The following HIPK3 variants were observed in gnomAD, a reference collection of about 807,000 sequenced individuals.
HIPK3 encodes the protein homeodomain interacting protein kinase 3, also known as homeodomain-interacting protein kinase 3.
In HIPK3, 47 loss-of-function variants were observed where a neutral mutation model predicts 124.2. The ratio of observed to expected loss-of-function variants is 0.38; its 90% CI spans 0.30 to 0.48. HIPK3 has a LOEUF of 0.48. Among genes scored for constraint, HIPK3 ranks in the 20% least tolerant of loss-of-function variants. The pLI is 0.98. For synonymous variants in HIPK3, 482 were observed against 515.2 expected (o/e 0.94, Z 0.87); for missense variants, 1,286 against 1,454.3 (o/e 0.88, Z 1.88).
Position 33,353,677 on chromosome 11 carries a change from C to A in HIPK3, c.*109C>A. The A allele has an allele frequency of 1.3e-6, 1 of 776,200 alleles. No homozygotes were observed. Among genetic ancestry groups the A allele is most frequent in the Non-Finnish European group, 2.1e-6 (1 of 486,716 alleles). The allele number at this position is 776,200 out of a possible 1,614,324, so 48.1% of individuals were successfully genotyped here. ...GAAAATTATTTTTGAATCATGTAGA[C>A]TTGGGTGCAATTTAAACAACTTTGA... On this transcript the variant is annotated 3_prime_UTR_variant, in exon 17 of 17. Transcript: ENST00000303296.
At chr11:33,261,135 AAATATAAAATATATTATAT>A (rs1450114604) in intron 1 of HIPK3, among the ~76,000 whole-genome samples, 3 of 78,984 alleles carry the variant, frequency 3.8e-5, no homozygotes, top group Non-Finnish European at 9.3e-5. Context: ...ATTATATATA[AAATATAAAATATATTATAT>A]AAATATATAT....
intron 2 of HIPK3, among the ~76,000 whole-genome samples, chr11:33,297,996 C>A (rs1174837554): frequency 6.6e-6 from 1 of 151,918 alleles, no homozygotes; most frequent in African/African-American, 2.4e-5. Context: ...ACCATGTTGG[C>A]CAGGCTGGTC....
At chr11:33,351,449 A>C (rs1234915859) in intron 14 of HIPK3, among the ~76,000 whole-genome samples, 159 bp from the exon 15 acceptor site, 1 of 152,192 alleles carries the variant, frequency 6.6e-6, no homozygotes, top group Non-Finnish European at 1.5e-5. Context: ...GGGTCTAGAA[A>C]TTTTATGAAA....
At chr11:33,266,504 C>T (rs532546716) in intron 1 of HIPK3, among the ~76,000 whole-genome samples, 1 of 152,212 alleles carries the variant, frequency 6.6e-6, no homozygotes, top group Admixed American at 6.5e-5. Context: ...CTGAGACCAG[C>T]TTGTGCAACA....
chr11:33,306,820 G>A (rs183566890), intron 2 of HIPK3, among the ~76,000 whole-genome samples: 2 of 152,312 alleles, frequency 1.3e-5, no homozygotes, highest in Non-Finnish European at 2.9e-5. Flanking sequence ...TATGATGATA[G>A]GGAGTCTCCC....
chr11:33,335,152 A>G (rs1853103108), intron 3 of HIPK3, among the ~76,000 whole-genome samples: 1 of 152,098 alleles, frequency 6.6e-6, no homozygotes, highest in South Asian at 2.1e-4. Context: ...TCAGTTTAGG[A>G]TATATTCAGT....
chr11:33,353,322 C>T lies in HIPK3; in HGVS notation c.3402C>T (p.Ala1134=). 6.2e-7 allele frequency: 1 copy of T among 1,614,100 alleles called. No individual in the cohort carries two copies. Among genetic ancestry groups the T allele is most frequent in the South Asian group, 1.1e-5 (1 of 91,082 alleles). The part of the protein sequence containing the change: ...SATLSSAAPV[A]HLLASPCTSR... ...CCCTCAGTAGTGCTGCACCAGTGGC[C>T]CACCTGTTAGCCTCTCCGTGTACCT... is the stretch of plus-strand genomic sequence containing the variant. Residue 1134 remains alanine (A), a synonymous_variant, in exon 17 of 17, where the codon GCC becomes GCT. Transcript: ENST00000303296.
In HIPK3 at chr11:33,293,026, C is replaced by T. The variant is rs112952973; in HGVS notation, c.1097+5515C>T. Among the ~76,000 whole-genome samples, 545 of 152,204 alleles carry T rather than the reference C, an allele frequency of 3.6e-3. 6 individuals are homozygous for T. The highest frequency in any genetic ancestry group is 0.012 in the African/African-American group (506 of 41,510). On this transcript the variant is annotated intron_variant, in intron 2 of 16. Coordinates refer to ENST00000303296, the MANE Select transcript of HIPK3 (RefSeq NM_005734.5). ...TGCTGGGATTACAGGCGTGAGCCAC[C>T]GCTCCCGGCCAAATGAAATGGTTTT...
chr11:33,258,273 G>C, intron 1 of HIPK3: 2 of 982,862 alleles, frequency 2.0e-6, no homozygotes, highest in Non-Finnish European at 1.2e-6. Flanking sequence ...TTAGTCCCAC[G>C]GGGAGCCTCT....
At position 33,313,530 on chromosome 11, in the gene HIPK3, G is replaced by A. The variant is rs139224173; in HGVS notation, c.1098-14980G>A. Among the ~76,000 whole-genome samples the A allele has an allele frequency of 2.0e-5, 3 of 152,134 alleles. No individual in the cohort carries two copies. The South Asian group carries it at 6.2e-4, about 32-fold the overall frequency. ...TATTTGTGTGTGTATATAAAAGAAAGAGAGTTAAGGCAAATGGAGTAAAGT... is the reference window on the plus strand; with the variant it reads ...TATTTGTGTGTGTATATAAAAGAAAAAGAGTTAAGGCAAATGGAGTAAAGT... On this transcript the variant is annotated intron_variant, in intron 2 of 16. Coordinates refer to ENST00000303296, the MANE Select transcript of HIPK3 (RefSeq NM_005734.5).
rs754359744 is a variant in HIPK3 at position 33,286,847 on chromosome 11, G to A, written c.433G>A (p.Asp145Asn). The A allele has an allele frequency of 1.4e-5, 22 of 1,614,034 alleles. No individual in the cohort carries two copies. In the South Asian group the frequency reaches 1.4e-4, roughly 10 times the overall value. Residue 145 changes from aspartate (D) to asparagine (N), a missense_variant, in exon 2 of 17, where the codon GAT becomes AAT. By Grantham distance (23) the Asp-to-Asn change is conservative (BLOSUM62 1). This residue lies in a region of HIPK3 where 225 missense variants were observed against 240.3 expected (regional missense o/e 0.94). Transcript: ENST00000303296. ...TCATAGCAGCGCAATGCAGATTGTC[G>A]ATGAATTGTCCATACTTCCTGCAAT... ...DNHSSAMQIVDELSILPAMLQ... is the reference protein window; with the variant it reads ...DNHSSAMQIVNELSILPAMLQ...
At chr11:33,337,028 T>C (rs1381603148) in intron 3 of HIPK3, 47 bp from the exon 4 acceptor site, 1 of 1,419,658 alleles carries the variant, frequency 7.0e-7, no homozygotes. Flanking sequence ...TTAAGTGTTC[T>C]GTCACATGAA....
Position 33,356,540 on chromosome 11 carries a change from T to G in HIPK3, c.*2972T>G, listed in dbSNP as rs2134010962. The G allele has an allele frequency of 6.6e-6, 1 of 152,164 alleles. No homozygotes were observed. The highest frequency in any genetic ancestry group is 2.4e-5 in the African/African-American group (1 of 41,570). The allele number at this position is 152,164 out of a possible 1,614,324, so 9.4% of individuals were successfully genotyped here. On this transcript the variant is annotated 3_prime_UTR_variant, in exon 17 of 17. Transcript: ENST00000303296. ...TTTTCCTCCAGCGTGTTTAATTAAA[T>G]ATGTTACTGTATTAGCAAAACATTT...
chr11:33,258,757 T>G (rs1389906912), intron 1 of HIPK3: 5 of 956,948 alleles, frequency 5.2e-6, no homozygotes, highest in East Asian at 1.2e-4. Flanking sequence ...CGCTGAAGAG[T>G]GTGTGCGTAA....
intron 3 of HIPK3, among the ~76,000 whole-genome samples, chr11:33,329,518 AAG>A (rs1172643238): frequency 6.6e-6 from 1 of 152,184 alleles, no homozygotes; most frequent in Non-Finnish European, 1.5e-5. Flanking sequence ...CAAGAGGAAA[AAG>A]AGAGGTAATT....
chr11:33,350,511 TAAA>T (rs530470962), intron 14 of HIPK3, among the ~76,000 whole-genome samples: 2 of 132,268 alleles, frequency 1.5e-5, no homozygotes, highest in Admixed American at 7.6e-5. Context: ...TACCAAAAAT[TAAA>T]AAAAAAAAAA....
Position 33,257,448 on chromosome 11 carries a change from G to A in HIPK3, c.-444G>A, listed in dbSNP as rs1224026854. 1.0e-6 allele frequency: 1 copy of A among 985,674 alleles called. No individual in the cohort carries two copies. The allele number at this position is 985,674 out of a possible 1,614,324, so 61.1% of individuals were successfully genotyped here. A position where few individuals can be genotyped will look rare whatever the true frequency, so the allele number is the denominator to read the frequency against. On this transcript the variant is annotated 5_prime_UTR_variant, in exon 1 of 17. Transcript: ENST00000303296. ...CTGAGGAGATCAAGCCGCAGGCCCC[G>A]CCGTCGCCACCACTCCCGCCAGTCT...
chr11:33,322,678 T>G (rs1423774752), intron 2 of HIPK3, among the ~76,000 whole-genome samples: 1 of 152,030 alleles, frequency 6.6e-6, no homozygotes, highest in East Asian at 1.9e-4. Context: ...ACACAAAAAT[T>G]AGCCTGGCAT....
chr11:33,282,693 T>C (rs1027230934), intron 1 of HIPK3, among the ~76,000 whole-genome samples: 4 of 151,420 alleles, frequency 2.6e-5, no homozygotes, highest in African/African-American at 9.7e-5. Flanking sequence ...AAAAAAAAAA[T>C]TATCTGTGAA....
Sources: allele counts gnomAD v4.1 joint callset (sites outside exome capture counted in the v4.1 genomes callset), GRCh38; gene constraint gnomAD v4.1.1; regional missense constraint gnomAD v4.1.1; transcripts MANE v1.5; gene names NCBI Gene and HGNC (gene_info 2026-07-23, HGNC 2026-07-21).